The following SLC37A1 variants were observed in gnomAD, a reference collection of about 807,000 sequenced individuals.
SLC37A1 encodes glucose-6-phosphate exchanger SLC37A1.
In SLC37A1, 49 loss-of-function variants were observed where a neutral mutation model predicts 75.3. The ratio of observed to expected loss-of-function variants is 0.65; its 90% CI spans 0.52 to 0.83. The LOEUF (loss-of-function observed/expected upper bound fraction) is 0.83, where lower values mean the gene tolerates loss of function less well. Among genes scored for constraint, SLC37A1 ranks in the 40% least tolerant of loss-of-function variants. The pLI is 0.00. For synonymous variants in SLC37A1, 268 were observed against 292.1 expected, an observed-to-expected ratio of 0.92 and a Z score of 0.84; for missense variants, 566 against 695.0, an observed-to-expected ratio of 0.81 and a Z score of 2.09.
At chr21:42,543,705 CCT>C (rs2055340056) in intron 8 of SLC37A1, 103 bp downstream of exon 8, 7 of 1,213,874 alleles carry the variant, frequency 5.8e-6, no homozygotes, top group Non-Finnish European at 8.0e-6. Context: ...GGCCTAGCGC[CCT>C]GTTTGCCCGT....
rs1393506935 is a variant in SLC37A1 at position 42,547,826 on chromosome 21, T to A, written c.768+686T>A. 2.0e-5 allele frequency: 3 copies of A among 152,680 alleles called. No individual in the cohort carries two copies. The highest frequency in any genetic ancestry group is 7.3e-5 in the African/African-American group (3 of 41,378). 9.5% of individuals were successfully genotyped at this position (152,680 alleles called of 1,614,324 possible). A position where few individuals can be genotyped will look rare whatever the true frequency, so the allele number is the denominator to read the frequency against. On this transcript the variant is annotated intron_variant, in intron 9 of 19. Transcript: ENST00000352133. The surrounding 1 kb of genome is among the most constrained non-coding windows in gnomAD (Gnocchi z 6.1). ...TATTGGTGGCTGTCTTGGAAGAAAG[T>A]CCCTCTGGCCCTCATGCCTGCTCCC... is the stretch of plus-strand genomic sequence containing the variant.
At chr21:42,510,378 G>C (rs1031481832), upstream of SLC37A1, among the ~76,000 whole-genome samples, 2 of 152,104 alleles carry the variant, frequency 1.3e-5, no homozygotes, top group Admixed American at 6.5e-5. Flanking sequence ...ACCTGCAGCA[G>C]ATATACAAAA....
At chr21:42,568,736 T>C (rs933383448) in intron 17 of SLC37A1, among the ~76,000 whole-genome samples, 9 of 152,344 alleles carry the variant, frequency 5.9e-5, no homozygotes, top group Admixed American at 2.0e-4. Context: ...TTTATCGCCT[T>C]CATCTCAAGA....
intron 1 of SLC37A1, among the ~76,000 whole-genome samples, chr21:42,500,625 T>A (rs2054333203): frequency 6.6e-6 from 1 of 152,252 alleles, no homozygotes; most frequent in Non-Finnish European, 1.5e-5. Context: ...TTAATCGTTT[T>A]CAGTCGTGTT....
intron 16 of SLC37A1, 34 bp downstream of exon 16, chr21:42,567,092 G>T: frequency 1.2e-6 from 2 of 1,603,808 alleles, no homozygotes; most frequent in South Asian, 1.1e-5. Context: ...CAGCCCTGTG[G>T]GCACCCTGCC....
rs776285730 is a variant in SLC37A1, at chr21:42,534,731, G to A, written c.172G>A (p.Glu58Lys). The change falls in exon 4 of 20, where the codon GAA becomes AAA. Residue 58 changes from glutamate (E) to lysine (K), a missense_variant. Transcript: ENST00000352133. ...ELHKYCTAWDEADVRFSSQNR... is the reference protein window; with the variant it reads ...ELHKYCTAWDKADVRFSSQNR... ...CCACAAGTACTGCACTGCTTGGGAT[G>A]AAGCTGACGTCAGGTTCAGCAGCCA... 3 of 1,614,006 alleles carry A rather than the reference G, an allele frequency of 1.9e-6. No individual in the cohort carries two copies. The highest frequency in any genetic ancestry group is 3.3e-5 in the Admixed American group (2 of 60,010).
intron 10 of SLC37A1, among the ~76,000 whole-genome samples, chr21:42,557,732 T>C (rs1322920723): frequency 7.9e-5 from 12 of 152,140 alleles, no homozygotes; most frequent in Non-Finnish European, 1.8e-4. Flanking sequence ...AAGAGAATTC[T>C]AAATATTCTA....
chr21:42,551,939 C>T (rs533657116), intron 9 of SLC37A1, among the ~76,000 whole-genome samples: 9 of 152,154 alleles, frequency 5.9e-5, no homozygotes, highest in East Asian at 3.9e-4. Context: ...TGACCTTGTA[C>T]CTGGGGTGTG....
chr21:42,538,832 C>G (rs1301782214), intron 5 of SLC37A1, among the ~76,000 whole-genome samples: 7 of 152,184 alleles, frequency 4.6e-5, no homozygotes, highest in Non-Finnish European at 1.5e-5. Flanking sequence ...CCACCAGGTC[C>G]CCAGACAGCT....
At chr21:42,529,704 T>C (rs1211602059) in intron 3 of SLC37A1, among the ~76,000 whole-genome samples, 2 of 152,228 alleles carry the variant, frequency 1.3e-5, no homozygotes, top group South Asian at 2.1e-4. Flanking sequence ...ACAAGCAGTT[T>C]ACAGACACGG....
intron 4 of SLC37A1, 124 bp downstream of exon 4, chr21:42,534,954 A>G (rs879452935): frequency 4.8e-5 from 63 of 1,323,274 alleles, no homozygotes; most frequent in African/African-American, 5.9e-5. Flanking sequence ...GCCCTCTCCT[A>G]CCAAAAAGCA....
At chr21:42,571,476 G>A (rs1260189294) in intron 17 of SLC37A1, among the ~76,000 whole-genome samples, 2 of 152,190 alleles carry the variant, frequency 1.3e-5, no homozygotes, top group African/African-American at 2.4e-5. Flanking sequence ...ATGTACCTTA[G>A]AAGCTAGACA....
intron 9 of SLC37A1, among the ~76,000 whole-genome samples, chr21:42,551,007 G>A (rs1348596180): frequency 6.6e-6 from 1 of 152,240 alleles, no homozygotes; most frequent in African/African-American, 2.4e-5. Context: ...CCTGAGATCA[G>A]GAACAAGACT....
Position 42,580,524 on chromosome 21 carries a change from AT to A in SLC37A1, c.*168del. On this transcript the variant is annotated 3_prime_UTR_variant, in exon 20 of 20. Transcript: ENST00000352133. ...AGCCAACCTGAGAACCCCTGGTGCTATTTTAAAGGAGACATATTGCTGAACA... is the reference window on the plus strand; with the variant it reads ...AGCCAACCTGAGAACCCCTGGTGCTATTTAAAGGAGACATATTGCTGAACA... 1 of 694,058 alleles carries A rather than the reference AT, an allele frequency of 1.4e-6. No homozygotes were observed. The highest frequency in any genetic ancestry group is 2.4e-6 in the Non-Finnish European group (1 of 418,070). 43.0% of individuals were successfully genotyped at this position (694,058 alleles called of 1,614,324 possible).
intron 10 of SLC37A1, among the ~76,000 whole-genome samples, chr21:42,557,458 G>A (rs2055720649): frequency 6.6e-6 from 1 of 152,260 alleles, no homozygotes; most frequent in African/African-American, 2.4e-5. Context: ...TTGCTTTCAC[G>A]TGCCGTGATG....
At chr21:42,537,196 C>T (rs146960435) in intron 5 of SLC37A1, among the ~76,000 whole-genome samples, 235 of 152,272 alleles carry the variant, frequency 1.5e-3, no homozygotes, top group African/African-American at 5.5e-3. Context: ...GTATTTGCCT[C>T]CTGCTGCAGA....
chr21:42,528,693 G>T (rs2054863111), intron 3 of SLC37A1, among the ~76,000 whole-genome samples: 1 of 152,214 alleles, frequency 6.6e-6, no homozygotes, highest in African/African-American at 2.4e-5. Context: ...ACCAGGCATG[G>T]TGACAGGCGC....
intron 17 of SLC37A1, among the ~76,000 whole-genome samples, chr21:42,573,554 G>A (rs1426312749): frequency 6.6e-6 from 1 of 152,002 alleles, no homozygotes; most frequent in Non-Finnish European, 1.5e-5. Context: ...TTGCTTGGGG[G>A]TGTGGAGATA....
chr21:42,528,786 A>G (rs969098105), intron 3 of SLC37A1, among the ~76,000 whole-genome samples: 17 of 152,174 alleles, frequency 1.1e-4, no homozygotes, highest in Admixed American at 2.6e-4. Context: ...CCGAGAGCGC[A>G]CCATTGCCCT....
Sources: allele counts gnomAD v4.1 joint callset (sites outside exome capture counted in the v4.1 genomes callset), GRCh38; gene constraint gnomAD v4.1.1; non-coding constraint Gnocchi (gnomAD v3.1); transcripts MANE v1.5; gene names NCBI Gene and HGNC (gene_info 2026-07-23, HGNC 2026-07-21).